DOCK6: variants seen among roughly 807,000 people sequenced by gnomAD.
The protein encoded by DOCK6 is dedicator of cytokinesis protein 6.
Under a neutral mutation model 230.3 loss-of-function variants are expected in DOCK6, and 167 were observed. That is an observed-to-expected ratio of 0.73 (90% CI 0.64 to 0.82). DOCK6 has a LOEUF of 0.82. Ranked by LOEUF, DOCK6 falls within the 40% of genes least tolerant of loss-of-function variation. The probability of loss-of-function intolerance (pLI) is 0.00; values close to 1 mark genes in which losing one functional copy is unlikely to be tolerated. For missense variants in DOCK6, 2,598 were observed against 2,825.8 expected, an observed-to-expected ratio of 0.92 and a Z score of 1.83; for synonymous variants, 1,148 against 1,185.0, an observed-to-expected ratio of 0.97 and a Z score of 0.64.
chr19:11,204,046 C>G, intron 41 of DOCK6, 35 bp downstream of exon 41: 1 of 1,549,256 alleles, frequency 6.5e-7, no homozygotes. Context: ...ACGGGGGTCC[C>G]AGAGGCAGGT....
rs1259347598 is a variant in DOCK6 at position 11,208,787 on chromosome 19, C to T, written c.4987G>A (p.Asp1663Asn). 2 of 1,613,634 alleles carry T rather than the reference C, an allele frequency of 1.2e-6. No individual in the cohort carries two copies. The highest frequency in any genetic ancestry group is 8.5e-7 in the Non-Finnish European group (1 of 1,179,752). Residue 1663 changes from aspartate to asparagine, a missense_variant, in exon 39 of 48, where the codon GAC (aspartate) becomes AAC (asparagine). Transcript: ENST00000294618. ...NVLEESAISD[D>N]ILSPDEEGFC... ...CCCTCCTCGTCGGGCGACAGGATGTCGTCGGAGATGGCGGACTCCTCTAGC... is the reference window on the plus strand; with the variant it reads ...CCCTCCTCGTCGGGCGACAGGATGTTGTCGGAGATGGCGGACTCCTCTAGC...
chr19:11,204,362 A>T, intron 39 of DOCK6, 31 bp from the exon 40 acceptor site: 1 of 1,604,420 alleles, frequency 6.2e-7, no homozygotes, highest in Non-Finnish European at 8.5e-7. Flanking sequence ...GGATTCCCCA[A>T]ACTGTCTTCC....
At position 11,252,134 on chromosome 19, in the gene DOCK6, G is replaced by A. The variant is rs765758751; in HGVS notation, c.492C>T (p.Ser164=). The A allele has an allele frequency of 2.9e-5, 46 of 1,589,108 alleles. No individual in the cohort carries two copies. The highest frequency in any genetic ancestry group is 2.3e-4 in the South Asian group (20 of 86,922). The change falls in exon 5 of 48, where the codon TCC becomes TCT. Residue 164 remains serine (S), a synonymous_variant. Coordinates refer to ENST00000294618, the MANE Select transcript of DOCK6 (RefSeq NM_020812.4). ...GCTTCCTCACCGAGTCCTCAGGGCC[G>A]GACCTCTCGTCTCCAGAAGCATCCT... The part of the protein sequence containing the change: ...FEQDASGDER[S]GPEDSNDSRR...
At position 11,243,446 on chromosome 19, in the gene DOCK6, C is replaced by T. The variant is rs2079980894; in HGVS notation, c.1259-61G>A. The stretch of plus-strand genomic sequence containing the variant: ...AAGATGAAACAGGGAGACTCAGGGG[C>T]GGCACAGTTCGGCCAGCAGAGGGCG... On this transcript the variant is annotated intron_variant, in intron 11 of 47. Coordinates refer to ENST00000294618, the MANE Select transcript of DOCK6 (RefSeq NM_020812.4). The surrounding 1 kb of genome is among the most constrained non-coding windows in gnomAD (Gnocchi z 6.3). 2 of 1,564,186 alleles carry T rather than the reference C, an allele frequency of 1.3e-6. No individual in the cohort carries two copies. Among genetic ancestry groups the T allele is most frequent in the African/African-American group, 1.4e-5 (1 of 73,862 alleles).
chr19:11,255,514 A>G (rs911495551), intron 1 of DOCK6, among the ~76,000 whole-genome samples: 3 of 151,694 alleles, frequency 2.0e-5, no homozygotes, highest in East Asian at 2.0e-4. Flanking sequence ...GGGTCTTGCC[A>G]TGTTGCCCAG....
intron 41 of DOCK6, chr19:11,203,339 G>A (rs1271023895): frequency 1.9e-5 from 3 of 160,358 alleles, no homozygotes; most frequent in Non-Finnish European, 4.1e-5. Flanking sequence ...GTGGGGGACA[G>A]AGAGACAATG....
In DOCK6 at chr19:11,200,173, G is replaced by T; in HGVS notation, c.6101+135C>A. On this transcript the variant is annotated intron_variant, in intron 47 of 47. Coordinates refer to ENST00000294618, the MANE Select transcript of DOCK6 (RefSeq NM_020812.4). This position sits in a 1 kb window ranked among gnomAD's most constrained non-coding sequence, Gnocchi z 4.3. The stretch of plus-strand genomic sequence containing the variant: ...CAAAAAAAAAAACAAAAAAAAAACC[G>T]GAAACAAAACAAAGTCCAAGCTACC... The T allele has an allele frequency of 2.2e-6, 2 of 905,568 alleles. No individual in the cohort carries two copies. The highest frequency in any genetic ancestry group is 2.8e-5 in the East Asian group (1 of 35,434). 56.1% of individuals were successfully genotyped at this position (905,568 alleles called of 1,614,324 possible). A position where few individuals can be genotyped will look rare whatever the true frequency, so the allele number is the denominator to read the frequency against.
chr19:11,253,717 G>A lies in DOCK6; in HGVS notation c.54C>T (p.Ala18=), dbSNP rs529549885. Residue 18 remains alanine, a synonymous_variant, in exon 2 of 48, where the codon GCC becomes GCT. Transcript: ENST00000294618. The stretch of plus-strand genomic sequence containing the variant: ...GGGACACCTGCTTCCGCACCTCTGC[G>A]GCCACCGTCCTGGAAAGATAGGGAG... ...AFAHKINRTV[A]AEVRKQVSRE... 7.3e-5 allele frequency: 107 copies of A among 1,473,240 alleles called. No individual in the cohort carries two copies. Among genetic ancestry groups the A allele is most frequent in the African/African-American group, 4.9e-4 (33 of 67,362 alleles). The allele number at this position is 1,473,240 out of a possible 1,614,324, so 91.3% of individuals were successfully genotyped here.
Position 11,202,131 on chromosome 19 carries a change from CG to C in DOCK6, c.5452-7del. The C allele has an allele frequency of 6.2e-7, 1 of 1,613,602 alleles. No homozygotes were observed. The highest frequency in any genetic ancestry group is 1.3e-5 in the African/African-American group (1 of 75,018). ...TACGTGATCTGGATGTAGGCCTGGG[CG>C]CAGGGTCAGGTGTGAGGATCCCACA... is the stretch of plus-strand genomic sequence containing the variant. On this transcript the variant is annotated splice_polypyrimidine_tract_variant and splice_region_variant and intron_variant, in intron 43 of 47. Coordinates refer to ENST00000294618, the MANE Select transcript of DOCK6 (RefSeq NM_020812.4). The surrounding 1 kb of genome is among the most constrained non-coding windows in gnomAD (Gnocchi z 5.3).
In DOCK6 at chr19:11,222,046, C is replaced by T; in HGVS notation, c.3381-26G>A. 1 of 1,605,726 alleles carries T rather than the reference C, an allele frequency of 6.2e-7. No homozygotes were observed. The highest frequency in any genetic ancestry group is 8.5e-7 in the Non-Finnish European group (1 of 1,173,498). On this transcript the variant is annotated intron_variant, in intron 27 of 47. Transcript: ENST00000294618. This position sits in a 1 kb window ranked among gnomAD's most constrained non-coding sequence, Gnocchi z 4.0. ...CTATGGGGTAATGAGGTGCTCAGGA[C>T]AGGGTGGACATGGCTCCTGGACTGT...
chr19:11,252,587 G>C, intron 3 of DOCK6, 37 bp from the exon 4 acceptor site: 2 of 1,613,088 alleles, frequency 1.2e-6, no homozygotes, highest in Non-Finnish European at 1.7e-6. Context: ...CAGAGACAAG[G>C]CCTCTGTGAA....
chr19:11,253,103 T>C (rs2080145329), intron 2 of DOCK6, 145 bp from the exon 3 acceptor site: 3 of 794,676 alleles, frequency 3.8e-6, no homozygotes, highest in Non-Finnish European at 5.8e-6. Context: ...GGAGGAACCA[T>C]GGAGGATGAT....
intron 39 of DOCK6, chr19:11,206,528 T>C (rs2079263306): frequency 6.6e-6 from 1 of 150,940 alleles, no homozygotes. Flanking sequence ...CAGGCTGCAC[T>C]CCAGCCTGGG....
At chr19:11,213,541 T>G (rs1324934966) in intron 34 of DOCK6, among the ~76,000 whole-genome samples, 2 of 152,088 alleles carry the variant, frequency 1.3e-5, no homozygotes, top group Non-Finnish European at 2.9e-5. Flanking sequence ...TTCCTTCCAC[T>G]GTAAACTGTG....
In DOCK6 at chr19:11,243,147, A is replaced by G. The variant is rs1465632001; in HGVS notation, c.1392T>C (p.Ala464=). 3 of 1,613,830 alleles carry G rather than the reference A, an allele frequency of 1.9e-6. No individual in the cohort carries two copies. The highest frequency in any genetic ancestry group is 2.5e-6 in the Non-Finnish European group (3 of 1,179,744). ...LTVTNFFKQE[A]ERLSDEDLFK... is the part of the protein sequence containing the mutation. Reference sequence around the variant, plus strand: ...AGAGGTCCTCGTCACTGAGTCGCTCAGCCTCCTACATGGGACCCACTCCCG... The same window carrying G: ...AGAGGTCCTCGTCACTGAGTCGCTCGGCCTCCTACATGGGACCCACTCCCG... The change falls in exon 13 of 48, where the codon GCT becomes GCC. Residue 464 remains alanine (A), a synonymous_variant. Coordinates refer to ENST00000294618, the MANE Select transcript of DOCK6 (RefSeq NM_020812.4). This position sits in a 1 kb window ranked among gnomAD's most constrained non-coding sequence, Gnocchi z 6.3.
intron 1 of DOCK6, among the ~76,000 whole-genome samples, chr19:11,254,597 G>A (rs1206124356): frequency 1.3e-5 from 2 of 151,836 alleles, no homozygotes; most frequent in Admixed American, 6.6e-5. Context: ...CAGGAGAATC[G>A]CTTGAACCCG....
In DOCK6 at chr19:11,218,020, T is replaced by C. The variant is rs2079521936; in HGVS notation, c.3551-629A>G. Among the ~76,000 whole-genome samples, 3 of 151,554 alleles carry C rather than the reference T, an allele frequency of 2.0e-5. No individual in the cohort carries two copies. The South Asian group carries it at 6.2e-4, about 32-fold the overall frequency. ...GCACCCGCCACCACACCCGGCTAAT[T>C]TTTGTATTTTTAGTAGAGACGGGGT... On this transcript the variant is annotated intron_variant, in intron 28 of 47. Transcript: ENST00000294618.
rs1039310392 is a variant in DOCK6, at chr19:11,215,602, G to A, written c.4022-131C>T. The A allele has an allele frequency of 1.6e-5, 21 of 1,275,756 alleles. No homozygotes were observed. In the African/African-American group the frequency reaches 2.8e-4, roughly 17 times the overall value. The allele number at this position is 1,275,756 out of a possible 1,614,324, so 79.0% of individuals were successfully genotyped here. Reference sequence around the variant, plus strand: ...AGGGCACTGGGTGGAGCAGAAGCCTGCCGGGTGGACGCACAGGGGCAAACA... The same window carrying A: ...AGGGCACTGGGTGGAGCAGAAGCCTACCGGGTGGACGCACAGGGGCAAACA... On this transcript the variant is annotated intron_variant, in intron 31 of 47. Transcript: ENST00000294618.
chr19:11,200,322 G>C lies in DOCK6; in HGVS notation c.6087C>G (p.Thr2029=), dbSNP rs760917845. Residue 2029 remains threonine (T), a synonymous_variant, in exon 47 of 48, where the codon ACC becomes ACG. Coordinates refer to ENST00000294618, the MANE Select transcript of DOCK6 (RefSeq NM_020812.4). This position sits in a 1 kb window ranked among gnomAD's most constrained non-coding sequence, Gnocchi z 4.3. Reference sequence around the variant, plus strand: ...AGGTCAGGCACCTGAGGCCGGGTGGGGTGGGTGCCATCAGCTGGGGCAGGC... The same window carrying C: ...AGGTCAGGCACCTGAGGCCGGGTGGCGTGGGTGCCATCAGCTGGGGCAGGC... ...TQRLPQLMAP[T]PPGLRNSLNR... 6.4e-7 allele frequency: 1 copy of C among 1,568,632 alleles called. No homozygotes were observed. Among genetic ancestry groups the C allele is most frequent in the Admixed American group, 1.9e-5 (1 of 53,036 alleles).
Sources: gnomAD v4.1 joint callset for allele counts (sites outside exome capture counted in the v4.1 genomes callset) on GRCh38, gnomAD v4.1.1 for gene constraint, Gnocchi (gnomAD v3.1) non-coding constraint, MANE v1.5 for transcripts, NCBI Gene and HGNC (gene_info 2026-07-23, HGNC 2026-07-21) for gene names.